The following TAPBP variants were observed in gnomAD, a reference collection of about 807,000 sequenced individuals.
The protein encoded by TAPBP is tapasin.
TAPBP carries 38 observed loss-of-function variants against 45.7 expected under a neutral mutation model. That is an observed-to-expected ratio of 0.83 (90% CI 0.64 to 1.09). TAPBP has a LOEUF of 1.09. TAPBP is among the 50% of genes least tolerant of loss of function. The pLI is 0.00. For missense variants in TAPBP, 513 were observed against 587.3 expected, an observed-to-expected ratio of 0.87 and a Z score of 1.31; for synonymous variants, 226 against 254.8, an observed-to-expected ratio of 0.89 and a Z score of 1.08.
Position 33,305,491 on chromosome 6 carries a change from TACCC to T in TAPBP, c.470-108_470-105del. 1 of 1,262,566 alleles carries T rather than the reference TACCC, an allele frequency of 7.9e-7. No homozygotes were observed. The highest frequency in any genetic ancestry group is 1.1e-6 in the Non-Finnish European group (1 of 934,964). 78.2% of individuals were successfully genotyped at this position (1,262,566 alleles called of 1,614,324 possible). On this transcript the variant is annotated intron_variant, in intron 3 of 7. Transcript: ENST00000434618. The surrounding 1 kb of genome is among the most constrained non-coding windows in gnomAD (Gnocchi z 4.4). ...TATTGGGGAGGGCTAAACTGCAGTTTACCCACCCCTCAGAGGACACCTTTTCTGA... is the reference window on the plus strand; with the variant it reads ...TATTGGGGAGGGCTAAACTGCAGTTTACCCCTCAGAGGACACCTTTTCTGA...
In TAPBP at chr6:33,313,018, GT is replaced by G. The variant is rs9280403; in HGVS notation, c.469+198del. ...CCTGCCAAGCTGCAGTTTTTTTTTTGTTTTTTTTTTTTAACTGGGTGAGGGC... is the reference window on the plus strand; with the variant it reads ...CCTGCCAAGCTGCAGTTTTTTTTTTGTTTTTTTTTTTAACTGGGTGAGGGC... On this transcript the variant is annotated intron_variant, in intron 3 of 7. Transcript: ENST00000434618. The surrounding 1 kb of genome is among the most constrained non-coding windows in gnomAD (Gnocchi z 7.2). 0.44 allele frequency: 163,162 copies of G among 371,714 alleles called. 21,422 individuals carry two copies. The highest frequency in any genetic ancestry group is 0.53 in the South Asian group (4,741 of 9,014). The allele number at this position is 371,714 out of a possible 1,614,324, so 23.0% of individuals were successfully genotyped here. A position where few individuals can be genotyped will look rare whatever the true frequency, so the allele number is the denominator to read the frequency against.
intron 7 of TAPBP, chr6:33,303,691 C>T: frequency 6.7e-7 from 1 of 1,495,960 alleles, no homozygotes; most frequent in East Asian, 2.5e-5. Context: ...TTTAAATTTA[C>T]ATATGTGGCT....
chr6:33,312,226 G>T (rs1301128898), intron 3 of TAPBP, among the ~76,000 whole-genome samples: 2 of 152,266 alleles, frequency 1.3e-5, no homozygotes, highest in East Asian at 3.9e-4. Context: ...CTGCCAGGGT[G>T]GGGGCTTGAG....
At chr6:33,307,373 G>C (rs1327928214) in intron 3 of TAPBP, among the ~76,000 whole-genome samples, 1 of 149,726 alleles carries the variant, frequency 6.7e-6, no homozygotes, top group Non-Finnish European at 1.5e-5. Flanking sequence ...TATGGCCTGG[G>C]TTCAATTTCT....
Position 33,313,758 on chromosome 6 carries a change from G to A in TAPBP, c.144C>T (p.Arg48=). ...GGGGCGGCGGTTCCCCCGGTCCCTGGCGCAACAGCAGTGCACCGGGTCTCT... is the reference window on the plus strand; with the variant it reads ...GGGGCGGCGGTTCCCCCGGTCCCTGACGCAACAGCAGTGCACCGGGTCTCT... ...LAKRPGALLL[R]QGPGEPPPRP... is the part of the protein sequence containing the mutation. Residue 48 remains arginine (R), a synonymous_variant, in exon 2 of 8, where the codon CGC becomes CGT. Transcript: ENST00000434618. This position sits in a 1 kb window ranked among gnomAD's most constrained non-coding sequence, Gnocchi z 7.2. The A allele has an allele frequency of 1.2e-6, 2 of 1,613,734 alleles. No homozygotes were observed. Among genetic ancestry groups the A allele is most frequent in the Non-Finnish European group, 8.5e-7 (1 of 1,180,016 alleles).
intron 4 of TAPBP, 39 bp downstream of exon 4, chr6:33,304,950 C>T: frequency 6.2e-7 from 1 of 1,607,340 alleles, no homozygotes. Context: ...AATCCAGTGC[C>T]CACCCTCTAC....
At chr6:33,304,029 G>A (rs1156924176) in intron 6 of TAPBP, 40 bp from the exon 7 acceptor site, 2 of 1,613,546 alleles carry the variant, frequency 1.2e-6, no homozygotes, top group Non-Finnish European at 8.5e-7. Context: ...TGCTGGAGTG[G>A]TAGAGGTGGA....
At chr6:33,304,787 C>T (rs1011748028) in intron 4 of TAPBP, 149 bp from the exon 5 acceptor site, 103 of 1,237,092 alleles carry the variant, frequency 8.3e-5, no homozygotes, top group African/African-American at 8.0e-4. Context: ...TCCATTGGTG[C>T]GTCACAGAAA....
intron 3 of TAPBP, chr6:33,308,106 TGAGGTCA>T (rs1448864302): frequency 6.7e-6 from 1 of 149,512 alleles, no homozygotes; most frequent in African/African-American, 2.5e-5. Flanking sequence ...GTGGATTACC[TGAGGTCA>T]GGAGTTCGAG....
Position 33,313,954 on chromosome 6 carries a change from T to G in TAPBP, c.37+51A>C. 4.3e-6 allele frequency: 7 copies of G among 1,613,426 alleles called. No homozygotes were observed. The highest frequency in any genetic ancestry group is 5.9e-6 in the Non-Finnish European group (7 of 1,179,788). ...TGGCATCGGCTCCAGTGGGGCCACC[T>G]CCCTCCGCTTCCCTCTAGTTCTTGG... On this transcript the variant is annotated intron_variant, in intron 1 of 7. Coordinates refer to ENST00000434618, the MANE Select transcript of TAPBP (RefSeq NM_003190.5). This position sits in a 1 kb window ranked among gnomAD's most constrained non-coding sequence, Gnocchi z 7.2.
chr6:33,304,377 C>T lies in TAPBP; in HGVS notation c.1130G>A (p.Gly377Glu). The T allele has an allele frequency of 6.2e-7, 1 of 1,612,840 alleles. No homozygotes were observed. ...QPPPVTTEQH[G>E]ARYACRIHHP... is the part of the protein sequence containing the mutation. ...GTGAATTCGACAGGCATAGCGTGCC[C>T]CATGCTGCTCAGTGGTGACTGGGGG... The change falls in exon 5 of 8, where the codon GGG becomes GAG. Residue 377 changes from glycine to glutamate, a missense_variant. Transcript: ENST00000434618.
rs1768598252 is a variant in TAPBP, at chr6:33,301,656, AT to A, written c.*103del. 1.0e-5 allele frequency: 10 copies of A among 991,392 alleles called. No homozygotes were observed. The highest frequency in any genetic ancestry group is 1.4e-5 in the Non-Finnish European group (9 of 630,238). The allele number at this position is 991,392 out of a possible 1,614,324, so 61.4% of individuals were successfully genotyped here. A position where few individuals can be genotyped will look rare whatever the true frequency, so the allele number is the denominator to read the frequency against. On this transcript the variant is annotated 3_prime_UTR_variant, in exon 8 of 8. Transcript: ENST00000434618. ...CATTCCAGCCACTCAGTGGAGAGAG[AT>A]TGGAGGGATTAGGAGCAGATGATAG...
intron 7 of TAPBP, 115 bp from the exon 8 acceptor site, chr6:33,301,886 G>C: frequency 6.7e-7 from 1 of 1,493,630 alleles, no homozygotes; most frequent in South Asian, 1.1e-5. Flanking sequence ...AGAAGGATGA[G>C]GCTAATATTT....
At chr6:33,307,409 T>C (rs1054391335) in intron 3 of TAPBP, among the ~76,000 whole-genome samples, 2 of 145,778 alleles carry the variant, frequency 1.4e-5, no homozygotes, top group Non-Finnish European at 3.0e-5. Context: ...TTTTTTTTTT[T>C]TTTTTTTTTT....
chr6:33,305,078 G>A lies in TAPBP; in HGVS notation c.779C>T (p.Thr260Ile). 1 of 1,613,890 alleles carries A rather than the reference G, an allele frequency of 6.2e-7. No individual in the cohort carries two copies. Among genetic ancestry groups the A allele is most frequent in the Non-Finnish European group, 8.5e-7 (1 of 1,179,962 alleles). Residue 260 changes from threonine to isoleucine, a missense_variant, in exon 4 of 8, where the codon ACA becomes ATA. Coordinates refer to ENST00000434618, the MANE Select transcript of TAPBP (RefSeq NM_003190.5). The surrounding 1 kb of genome is among the most constrained non-coding windows in gnomAD (Gnocchi z 4.4). The stretch of plus-strand genomic sequence containing the variant: ...GGTGCCCTCCTGAAAGGGTTGAACT[G>A]TAGGCAGCCAGAAGGTCCCATTTCC... ...WTGNGTFWLP[T>I]VQPFQEGTYL...
rs13769 is a variant in TAPBP at position 33,300,214 on chromosome 6, C to T, written c.*1546G>A. The T allele has an allele frequency of 3.1e-3, 475 of 153,898 alleles. 3 individuals are homozygous for T. Among genetic ancestry groups the T allele is most frequent in the Non-Finnish European group, 1.8e-3 (124 of 68,124 alleles). The allele number at this position is 153,898 out of a possible 1,614,324, so 9.5% of individuals were successfully genotyped here. ...GAAGAACTAGGCAGTGGCTCCAGCG[C>T]GGGGCGGTGGGGGGGACAAGTGAGC... On this transcript the variant is annotated 3_prime_UTR_variant, in exon 8 of 8. Coordinates refer to ENST00000434618, the MANE Select transcript of TAPBP (RefSeq NM_003190.5).
In TAPBP at chr6:33,314,006, CAA is replaced by C. The variant is rs751983627; in HGVS notation, c.34_35del (p.Leu12GlyfsTer51). 1 of 1,614,026 alleles carries C rather than the reference CAA, an allele frequency of 6.2e-7. No individual in the cohort carries two copies. The highest frequency in any genetic ancestry group is 1.3e-5 in the African/African-American group (1 of 75,046). On this transcript the variant is annotated frameshift_variant and splice_region_variant, in exon 1 of 8. Transcript: ENST00000434618. LOFTEE classifies it high-confidence loss of function. ...KSLSLLLAVA[L>X]GLATAVSAGP... is the part of the protein sequence containing the mutation. ...CGATGAGTCGCGGGGTTCGCTCACC[CAA>C]AGCCACAGCGAGGAGCAGAGACAGG...
rs762418975 is a variant in TAPBP at position 33,313,395 on chromosome 6, C to T, written c.291G>A (p.Val97=). 6.2e-7 allele frequency: 1 copy of T among 1,611,148 alleles called. No homozygotes were observed. Among genetic ancestry groups the T allele is most frequent in the South Asian group, 1.1e-5 (1 of 90,952 alleles). Residue 97 remains valine, a synonymous_variant, in exon 3 of 8, where the codon GTG becomes GTA. Coordinates refer to ENST00000434618, the MANE Select transcript of TAPBP (RefSeq NM_003190.5). This position sits in a 1 kb window ranked among gnomAD's most constrained non-coding sequence, Gnocchi z 7.2. ...CCCATTTCGCAGAGGCGGGGAGAGG[C>T]ACGAAGCGGCTCATCTCGCAGTGTG... ...PAPHCEMSRF[V]PLPASAKWAS...
intron 4 of TAPBP, 81 bp downstream of exon 4, chr6:33,304,908 T>A: frequency 6.4e-7 from 1 of 1,557,082 alleles, no homozygotes; most frequent in South Asian, 1.2e-5. Flanking sequence ...CACCCTCTTA[T>A]CCATCATCCC....
Sources: allele counts gnomAD v4.1 joint callset (sites outside exome capture counted in the v4.1 genomes callset), GRCh38; gene constraint gnomAD v4.1.1; non-coding constraint Gnocchi (gnomAD v3.1); transcripts MANE v1.5; gene names NCBI Gene and HGNC (gene_info 2026-07-23, HGNC 2026-07-21).